SCN11A: variants seen among roughly 807,000 people sequenced by gnomAD.
SCN11A encodes the protein sodium channel protein type 11 subunit alpha.
Under a neutral mutation model 162.2 loss-of-function variants are expected in SCN11A, and 122 were observed. That is an observed-to-expected ratio of 0.75 (90% CI 0.65 to 0.87). The LOEUF is 0.87. SCN11A is among the 40% of genes least tolerant of loss of function. SCN11A has a pLI of 0.00. For missense variants in SCN11A, 2,015 were observed against 2,181.6 expected (o/e 0.92, Z 1.52); for synonymous variants, 758 against 751.5 (o/e 1.01, Z -0.14).
chr3:38,949,308 G>A lies in SCN11A; in HGVS notation c.267+788C>T, dbSNP rs183550389. ...CCTCAGGCTCTAGAGCAGTCATGTG[G>A]GAGCTCAAAGTTTACATTCCCTCAC... is the stretch of plus-strand genomic sequence containing the variant. On this transcript the variant is annotated intron_variant, in intron 5 of 29. Coordinates refer to ENST00000302328, the MANE Select transcript of SCN11A (RefSeq NM_001349253.2). Among the ~76,000 whole-genome samples, 30 of 152,348 alleles carry A rather than the reference G, an allele frequency of 2.0e-4. No homozygotes were observed. In the East Asian group the frequency reaches 3.5e-3, roughly 18 times the overall value.
intron 5 of SCN11A, among the ~76,000 whole-genome samples, chr3:38,948,853 C>G (rs73828746): frequency 0.016 from 2,421 of 152,274 alleles, 68 homozygotes; most frequent in African/African-American, 0.056. Flanking sequence ...AGAAGGAGAC[C>G]TCTACAGTTA....
At chr3:38,925,556 G>T (rs778804204) in intron 8 of SCN11A, 47 bp from the exon 9 acceptor site, 11 of 1,307,214 alleles carry the variant, frequency 8.4e-6, no homozygotes, top group Non-Finnish European at 1.2e-5. Context: ...CAGTCCTGCA[G>T]CTGCACTGCA....
At chr3:38,975,017 T>C (rs970471824) in intron 2 of SCN11A, among the ~76,000 whole-genome samples, 1 of 151,400 alleles carries the variant, frequency 6.6e-6, no homozygotes, top group Non-Finnish European at 1.5e-5. Context: ...AATTCTTGGC[T>C]GATACCTCAA....
chr3:39,051,120 G>A (rs113075948), intron 1 of SCN11A, among the ~76,000 whole-genome samples: 2 of 146,084 alleles, frequency 1.4e-5, no homozygotes, highest in Non-Finnish European at 3.0e-5. Flanking sequence ...TTTTTGTCTT[G>A]TTTTTTTTTT....
In SCN11A at chr3:38,904,107, G is replaced by C. The variant is rs1460369044; in HGVS notation, c.1604-4C>G. 1 of 1,542,862 alleles carries C rather than the reference G, an allele frequency of 6.5e-7. No homozygotes were observed. Among genetic ancestry groups the C allele is most frequent in the Non-Finnish European group, 8.7e-7 (1 of 1,145,150 alleles). Reference sequence around the variant, plus strand: ...GGCTCTTGTGATTTTTCTTGTTCTGGAGGAGAATGAGCGAGAGGTTGAGGA... The same window carrying C: ...GGCTCTTGTGATTTTTCTTGTTCTGCAGGAGAATGAGCGAGAGGTTGAGGA... On this transcript the variant is annotated splice_polypyrimidine_tract_variant and splice_region_variant and intron_variant, in intron 15 of 29. Transcript: ENST00000302328.
At chr3:38,948,735 G>A (rs1025695238) in intron 5 of SCN11A, among the ~76,000 whole-genome samples, 1 of 152,114 alleles carries the variant, frequency 6.6e-6, no homozygotes, top group East Asian at 1.9e-4. Flanking sequence ...GCTGAGAAGT[G>A]GTGGTCCTAG....
intron 19 of SCN11A, among the ~76,000 whole-genome samples, chr3:38,890,500 A>C (rs572396453): frequency 3.5e-4 from 53 of 152,402 alleles, no homozygotes; most frequent in African/African-American, 1.2e-3. Context: ...AATTCACCAC[A>C]AAGAACTACG....
chr3:38,854,219 T>C (rs1332471359), intron 28 of SCN11A, among the ~76,000 whole-genome samples: 1 of 152,204 alleles, frequency 6.6e-6, no homozygotes, highest in Non-Finnish European at 1.5e-5. Context: ...ATATTGTCTA[T>C]GGCTGCTTCT....
intron 7 of SCN11A, among the ~76,000 whole-genome samples, chr3:38,930,606 C>T (rs753985822): frequency 8.5e-5 from 13 of 152,190 alleles, no homozygotes; most frequent in East Asian, 3.8e-4. Context: ...AGCAGACTGT[C>T]GCTGCTGTTT....
intron 23 of SCN11A, 99 bp downstream of exon 23, chr3:38,879,851 C>A (rs2065278482): frequency 1.2e-6 from 1 of 868,694 alleles, no homozygotes; most frequent in African/African-American, 1.7e-5. Context: ...CTATTTTAGA[C>A]AGACATCCAT....
chr3:38,993,411 GC>G (rs2030515732), intron 2 of SCN11A, among the ~76,000 whole-genome samples: 2 of 152,192 alleles, frequency 1.3e-5, no homozygotes, highest in African/African-American at 4.8e-5. Flanking sequence ...ATGTCGTATA[GC>G]AGATGTCTCA....
At chr3:38,988,832 G>A (rs78286022) in intron 2 of SCN11A, among the ~76,000 whole-genome samples, 5,758 of 152,296 alleles carry the variant, frequency 0.038, 154 homozygotes, top group Middle Eastern at 0.058. Context: ...AAGCCAAGAC[G>A]GGATTCCAGC....
intron 9 of SCN11A, among the ~76,000 whole-genome samples, chr3:38,924,853 T>G (rs934337739): frequency 4.6e-5 from 7 of 151,844 alleles, no homozygotes; most frequent in African/African-American, 1.7e-4. Context: ...CCTCTCACCC[T>G]CTCCTTTCCA....
intron 2 of SCN11A, among the ~76,000 whole-genome samples, chr3:39,016,324 G>C (rs992110635): frequency 6.6e-6 from 1 of 152,136 alleles, no homozygotes; most frequent in African/African-American, 2.4e-5. Context: ...GTTCAGGGGT[G>C]ATCCCCCAGA....
At chr3:38,871,813 C>CTCTG in intron 24 of SCN11A, 105 bp from the exon 25 acceptor site, 1 of 948,946 alleles carries the variant, frequency 1.1e-6, no homozygotes, top group Non-Finnish European at 1.6e-6. Context: ...TCTCTTGGAG[C>CTCTG]TCTGTCCTTA....
chr3:38,935,617 G>C (rs1362359183), intron 7 of SCN11A, among the ~76,000 whole-genome samples: 4 of 152,178 alleles, frequency 2.6e-5, no homozygotes, highest in Non-Finnish European at 4.4e-5. Flanking sequence ...AAATAAACTA[G>C]AAAATCTAGA....
In SCN11A at chr3:38,904,079, C is replaced by A; in HGVS notation, c.1628G>T (p.Cys543Phe). The A allele has an allele frequency of 1.9e-6, 3 of 1,580,638 alleles. No individual in the cohort carries two copies. Among genetic ancestry groups the A allele is most frequent in the East Asian group, 2.3e-5 (1 of 44,118 alleles). Residue 543 changes from cysteine to phenylalanine, a missense_variant, in exon 16 of 30, where the codon TGT (cysteine) becomes TTT (phenylalanine). Coordinates refer to ENST00000302328, the MANE Select transcript of SCN11A (RefSeq NM_001349253.2). ...TGCCAGGTTTTCTCCACAAGGGAGACAAGGCTCTTGTGATTTTTCTTGTTC... is the reference window on the plus strand; with the variant it reads ...TGCCAGGTTTTCTCCACAAGGGAGAAAAGGCTCTTGTGATTTTTCTTGTTC... ...MKEQEKSQEP[C>F]LPCGENLASK...
Position 38,927,519 on chromosome 3 carries a change from AC to A in SCN11A, c.489-589del, listed in dbSNP as rs1209955118. On this transcript the variant is annotated intron_variant, in intron 7 of 29. Coordinates refer to ENST00000302328, the MANE Select transcript of SCN11A (RefSeq NM_001349253.2). ...ATAGCCAGAACAATCTTGAAAAAAA[AC>A]AAATTGTGAGGTCTCACACTTCCTG... 3.9e-5 allele frequency among the ~76,000 whole-genome samples: 6 copies of A among 152,350 alleles called. No individual in the cohort carries two copies. In the South Asian group the frequency reaches 1.0e-3, roughly 26 times the overall value.
At chr3:39,003,654 T>C (rs957111924) in intron 2 of SCN11A, among the ~76,000 whole-genome samples, 5 of 152,224 alleles carry the variant, frequency 3.3e-5, no homozygotes, top group African/African-American at 1.2e-4. Context: ...ACCAACAGTG[T>C]ATGTGTTCCC....
Sources: gnomAD v4.1 joint callset for allele counts (sites outside exome capture counted in the v4.1 genomes callset) on GRCh38, gnomAD v4.1.1 for gene constraint, MANE v1.5 for transcripts, NCBI Gene and HGNC (gene_info 2026-07-23, HGNC 2026-07-21) for gene names.